Variants in GIPC2 observed in about 807,000 individuals in gnomAD.
GIPC2 encodes GIPC PDZ domain containing family member 2.
A neutral mutation model predicts 30.6 loss-of-function variants in GIPC2; 30 were observed. The ratio of observed to expected loss-of-function variants is 0.98; its 90% CI spans 0.73 to 1.33. The LOEUF (loss-of-function observed/expected upper bound fraction) is 1.33, where lower values mean the gene tolerates loss of function less well. Ranked by LOEUF, GIPC2 falls within the 40% of genes most tolerant of loss-of-function variation. GIPC2 has a pLI of 0.00. For missense variants in GIPC2, 414 were observed against 390.3 expected, an observed-to-expected ratio of 1.06 and a Z score of -0.51; for synonymous variants, 167 against 150.0, an observed-to-expected ratio of 1.11 and a Z score of -0.83.
At position 78,080,036 on chromosome 1, in the gene GIPC2, T is replaced by C. The variant is rs368128764; in HGVS notation, c.241-639T>C. Among the ~76,000 whole-genome samples the C allele has an allele frequency of 5.3e-5, 8 of 152,122 alleles. No individual in the cohort carries two copies. In the East Asian group the frequency reaches 7.7e-4, roughly 15 times the overall value. On this transcript the variant is annotated intron_variant, in intron 1 of 5. Transcript: ENST00000370759. ...TAAATTGGGTTAATAGTCTTTAAAGTCCATTTTAGTTCTAAAACATACTGA... is the reference window on the plus strand; with the variant it reads ...TAAATTGGGTTAATAGTCTTTAAAGCCCATTTTAGTTCTAAAACATACTGA...
At chr1:78,073,597 T>G (rs1046693824) in intron 1 of GIPC2, among the ~76,000 whole-genome samples, 124 of 152,322 alleles carry the variant, frequency 8.1e-4, no homozygotes, top group African/African-American at 2.9e-3. Flanking sequence ...GCCCATAATT[T>G]GTTCCAGAGA....
At chr1:78,068,370 G>A (rs1320923398) in intron 1 of GIPC2, among the ~76,000 whole-genome samples, 1 of 152,246 alleles carries the variant, frequency 6.6e-6, no homozygotes, top group Non-Finnish European at 1.5e-5. Flanking sequence ...ATTGGGGCAT[G>A]TGGGGAAGAT....
chr1:78,086,759 C>T (rs1356131994), intron 2 of GIPC2, among the ~76,000 whole-genome samples: 1 of 152,050 alleles, frequency 6.6e-6, no homozygotes, highest in African/African-American at 2.4e-5. Context: ...ATTGCAGCCC[C>T]TGCTTTTTTT....
intron 2 of GIPC2, among the ~76,000 whole-genome samples, chr1:78,082,597 T>A (rs1298088625): frequency 6.6e-6 from 1 of 152,202 alleles, no homozygotes; most frequent in Non-Finnish European, 1.5e-5. Context: ...TTTAAAATCT[T>A]AGCCTCTGAC....
intron 3 of GIPC2, among the ~76,000 whole-genome samples, chr1:78,105,630 C>T (rs1662336140): frequency 6.6e-6 from 1 of 151,986 alleles, no homozygotes; most frequent in Admixed American, 6.6e-5. Flanking sequence ...TAATAACAAC[C>T]ATGAATAGGA....
chr1:78,058,709 A>C (rs1231617203), intron 1 of GIPC2, among the ~76,000 whole-genome samples: 1 of 152,246 alleles, frequency 6.6e-6, no homozygotes, highest in Non-Finnish European at 1.5e-5. Context: ...AAGTCCACTA[A>C]AAATTTAAAT....
intron 2 of GIPC2, among the ~76,000 whole-genome samples, chr1:78,085,356 A>C (rs1307307439): frequency 6.6e-6 from 1 of 152,152 alleles, no homozygotes; most frequent in Admixed American, 6.5e-5. Flanking sequence ...GGATTTTTGC[A>C]TCAGTGTTCA....
chr1:78,113,627 G>A (rs1458253720), intron 3 of GIPC2, among the ~76,000 whole-genome samples: 1 of 152,134 alleles, frequency 6.6e-6, no homozygotes, highest in African/African-American at 2.4e-5. Flanking sequence ...GGGCTCAAGT[G>A]ATCCGCCACC....
chr1:78,129,703 G>A (rs531841), intron 5 of GIPC2, among the ~76,000 whole-genome samples: 37,233 of 151,902 alleles, frequency 0.25, 5,232 homozygotes, highest in East Asian at 0.75. Context: ...AAAATTAAGC[G>A]TTCTAAAAGA....
intron 2 of GIPC2, 97 bp from the exon 3 acceptor site, chr1:78,094,855 C>A (rs1662106927): frequency 1.3e-6 from 1 of 792,724 alleles, no homozygotes; most frequent in South Asian, 1.9e-5. Context: ...CAAGTACTAA[C>A]CAGGCCCAAA....
Position 78,091,585 on chromosome 1 carries a change from C to T in GIPC2, c.427-3367C>T, listed in dbSNP as rs1407951903. The T allele has an allele frequency of 9.2e-6, 7 of 760,216 alleles. No individual in the cohort carries two copies. The African/African-American group carries it at 1.2e-4, about 13-fold the overall frequency. The allele number at this position is 760,216 out of a possible 1,614,324, so 47.1% of individuals were successfully genotyped here. On this transcript the variant is annotated intron_variant, in intron 2 of 5. Transcript: ENST00000370759. ...GCGGCAACCTCTCGGCCAAGTCCTT[C>T]GCGATCTTCTTCGGGAATGCGTTCG...
At chr1:78,084,382 A>G (rs1336312949) in intron 2 of GIPC2, among the ~76,000 whole-genome samples, 1 of 151,894 alleles carries the variant, frequency 6.6e-6, no homozygotes, top group East Asian at 1.9e-4. Flanking sequence ...GGTGTGGTGC[A>G]CACCTGTAAT....
chr1:78,058,798 C>T (rs1391036317), intron 1 of GIPC2, among the ~76,000 whole-genome samples: 1 of 152,128 alleles, frequency 6.6e-6, no homozygotes, highest in African/African-American at 2.4e-5. Flanking sequence ...ATAACAAACA[C>T]TCCGTGGACC....
chr1:78,081,094 A>G (rs1661818623), intron 2 of GIPC2, among the ~76,000 whole-genome samples: 1 of 152,180 alleles, frequency 6.6e-6, no homozygotes, highest in Admixed American at 6.5e-5. Context: ...ACTAACTGAA[A>G]GGAAAGTCTA....
intron 3 of GIPC2, among the ~76,000 whole-genome samples, chr1:78,110,051 G>T (rs1288306527): frequency 6.6e-6 from 1 of 152,136 alleles, no homozygotes; most frequent in African/African-American, 2.4e-5. Context: ...GTGGGGGAAG[G>T]GGGAGGGATA....
At chr1:78,072,266 C>T (rs1214591556) in intron 1 of GIPC2, among the ~76,000 whole-genome samples, 1 of 152,180 alleles carries the variant, frequency 6.6e-6, no homozygotes, top group Non-Finnish European at 1.5e-5. Flanking sequence ...CCTTCCTCTC[C>T]CCAGCTCATT....
intron 2 of GIPC2, among the ~76,000 whole-genome samples, chr1:78,086,571 G>T (rs1277911280): frequency 6.6e-6 from 1 of 152,220 alleles, no homozygotes; most frequent in East Asian, 1.9e-4. Context: ...TCTCTTTGTA[G>T]GTCTTTAAGA....
At chr1:78,068,812 T>C (rs761930651) in intron 1 of GIPC2, among the ~76,000 whole-genome samples, 3 of 152,094 alleles carry the variant, frequency 2.0e-5, no homozygotes, top group Non-Finnish European at 4.4e-5. Flanking sequence ...TGTGTGCTCA[T>C]AAAAATAGAA....
At chr1:78,056,954 C>T (rs566328347) in intron 1 of GIPC2, among the ~76,000 whole-genome samples, 1 of 152,266 alleles carries the variant, frequency 6.6e-6, no homozygotes, top group Middle Eastern at 3.4e-3. Context: ...ATCTTTTACC[C>T]TGTGTGTTTC....
Sources: gnomAD v4.1 joint callset for allele counts (sites outside exome capture counted in the v4.1 genomes callset) on GRCh38, gnomAD v4.1.1 for gene constraint, MANE v1.5 for transcripts, NCBI Gene and HGNC (gene_info 2026-07-23, HGNC 2026-07-21) for gene names.